TNKS: variants seen among roughly 807,000 people sequenced by gnomAD.
TNKS encodes tankyrase, also known as poly [ADP-ribose] polymerase tankyrase-1.
A neutral mutation model predicts 135.8 loss-of-function variants in TNKS; 72 were observed. That is an observed-to-expected ratio of 0.53 (90% CI 0.44 to 0.64). The LOEUF is 0.64. Among genes scored for constraint, TNKS ranks in the 30% least tolerant of loss-of-function variants. The pLI, the probability that TNKS is intolerant of heterozygous loss-of-function variation, is 0.00. For missense variants in TNKS, 1,769 were observed against 1,674.0 expected (o/e 1.06, Z -0.99); for synonymous variants, 849 against 649.3 (o/e 1.31, Z -4.68).
intron 20 of TNKS, among the ~76,000 whole-genome samples, chr8:9,756,405 A>G (rs1010121946): frequency 1.3e-5 from 2 of 152,064 alleles, no homozygotes; most frequent in African/African-American, 4.8e-5. Context: ...TATGTGCAAG[A>G]TGACTTTAAC....
intron 5 of TNKS, among the ~76,000 whole-genome samples, chr8:9,699,427 C>T (rs1319942930): frequency 6.6e-6 from 1 of 152,118 alleles, no homozygotes; most frequent in African/African-American, 2.4e-5. Flanking sequence ...AACCTCAGGG[C>T]TTTTAGTGGC....
At chr8:9,578,387 A>G (rs903965409) in intron 1 of TNKS, among the ~76,000 whole-genome samples, 3 of 152,370 alleles carry the variant, frequency 2.0e-5, no homozygotes, top group Middle Eastern at 3.4e-3. Context: ...GAACCCTGGT[A>G]AGATGCTGAC....
At chr8:9,601,957 A>T (rs1183943857) in intron 2 of TNKS, among the ~76,000 whole-genome samples, 1 of 152,122 alleles carries the variant, frequency 6.6e-6, no homozygotes, top group East Asian at 1.9e-4. Flanking sequence ...TTGCATGTGT[A>T]TGAGGAGGTG....
intron 3 of TNKS, among the ~76,000 whole-genome samples, chr8:9,634,879 AAAGT>A (rs1302823386): frequency 6.6e-6 from 1 of 152,214 alleles, no homozygotes; most frequent in Non-Finnish European, 1.5e-5. Context: ...TCTGTGCTAG[AAAGT>A]AATGAACTGC....
In TNKS at chr8:9,782,278, G is replaced by A. The variant is rs1293456250; in HGVS notation, c.*5542G>A. Reference sequence around the variant, plus strand: ...GTGATTATATTTAACCTGCAATTGTGCTTTGGCTTAATGTCTAGCTCACTG... The same window carrying A: ...GTGATTATATTTAACCTGCAATTGTACTTTGGCTTAATGTCTAGCTCACTG... On this transcript the variant is annotated 3_prime_UTR_variant, in exon 27 of 27. Coordinates refer to ENST00000310430, the MANE Select transcript of TNKS (RefSeq NM_003747.3). 6.6e-6 allele frequency: 1 copy of A among 152,616 alleles called. No individual in the cohort carries two copies. The highest frequency in any genetic ancestry group is 1.5e-5 in the Non-Finnish European group (1 of 68,036). 9.5% of individuals were successfully genotyped at this position (152,616 alleles called of 1,614,324 possible).
intron 2 of TNKS, among the ~76,000 whole-genome samples, chr8:9,589,575 T>A (rs1057445662): frequency 6.6e-6 from 1 of 152,222 alleles, no homozygotes; most frequent in African/African-American, 2.4e-5. Flanking sequence ...AAGAATCTGA[T>A]GCCCCACTTT....
chr8:9,574,928 G>C (rs1396614015), intron 1 of TNKS: 1 of 585,772 alleles, frequency 1.7e-6, no homozygotes, highest in African/African-American at 2.0e-5. Context: ...ATGAGGCTTA[G>C]AAATATAGCA....
chr8:9,667,637 C>G (rs1444536328), intron 3 of TNKS, among the ~76,000 whole-genome samples: 1 of 152,208 alleles, frequency 6.6e-6, no homozygotes, highest in African/African-American at 2.4e-5. Flanking sequence ...CATTGATTTA[C>G]AAAACGTCTC....
chr8:9,754,997 C>G (rs1806759216), intron 20 of TNKS, among the ~76,000 whole-genome samples: 1 of 152,154 alleles, frequency 6.6e-6, no homozygotes, highest in African/African-American at 2.4e-5. Flanking sequence ...CTGTTCTTCC[C>G]AAATCATTTC....
At position 9,720,524 on chromosome 8, in the gene TNKS, G is replaced by A; in HGVS notation, c.1900G>A (p.Ala634Thr). The change falls in exon 12 of 27, where the codon GCA (alanine) becomes ACA (threonine). Residue 634 changes from alanine (A) to threonine (T), a missense_variant. Ala to Thr is a moderately conservative substitution (Grantham distance 58). Coordinates refer to ENST00000310430, the MANE Select transcript of TNKS (RefSeq NM_003747.3). The part of the protein sequence containing the change: ...GFTAAQMGNE[A>T]VQQILSESTP... Reference sequence around the variant, plus strand: ...CACAGCAGCACAGATGGGCAATGAAGCAGTGCAGCAGATTCTGAGTGGTGA... The same window carrying A: ...CACAGCAGCACAGATGGGCAATGAAACAGTGCAGCAGATTCTGAGTGGTGA... The A allele has an allele frequency of 1.2e-6, 2 of 1,613,198 alleles. No homozygotes were observed. The highest frequency in any genetic ancestry group is 1.7e-6 in the Non-Finnish European group (2 of 1,179,710).
intron 25 of TNKS, among the ~76,000 whole-genome samples, chr8:9,767,176 T>C (rs953569022): frequency 1.3e-5 from 2 of 152,242 alleles, no homozygotes; most frequent in African/African-American, 4.8e-5. Context: ...GCAGGATATA[T>C]AATTAGCCTT....
intron 12 of TNKS, among the ~76,000 whole-genome samples, chr8:9,722,877 C>A (rs563006787): frequency 6.6e-6 from 1 of 152,224 alleles, no homozygotes; most frequent in African/African-American, 2.4e-5. Context: ...TCAAGCATAT[C>A]AGATCCATAT....
intron 2 of TNKS, among the ~76,000 whole-genome samples, chr8:9,606,996 T>C (rs1037134045): frequency 1.3e-5 from 2 of 152,224 alleles, no homozygotes; most frequent in South Asian, 2.1e-4. Flanking sequence ...ATTAGTATTA[T>C]GTGTCTAGAC....
At chr8:9,745,559 C>A (rs1204421083) in intron 17 of TNKS, among the ~76,000 whole-genome samples, 1 of 152,060 alleles carries the variant, frequency 6.6e-6, no homozygotes, top group Non-Finnish European at 1.5e-5. Flanking sequence ...TGTGTGGCGC[C>A]ACACCCAGCT....
At chr8:9,772,223 G>GCGTGGTTTTCTTATTACAGACTTACTTTC in intron 26 of TNKS, 1 of 357,930 alleles carries the variant, frequency 2.8e-6, no homozygotes, top group South Asian at 2.2e-5. Flanking sequence ...AAGAATATTT[G>GCGTGGTTTTCTTATTACAGACTTACTTTC]CGTGGTTTTC....
chr8:9,752,657 T>C, intron 20 of TNKS, 31 bp downstream of exon 20: 1 of 1,416,498 alleles, frequency 7.1e-7, no homozygotes, highest in Admixed American at 1.7e-5. Flanking sequence ...TTGAGTCATT[T>C]AAATTAAATA....
At chr8:9,647,884 CA>C (rs1252836882) in intron 3 of TNKS, among the ~76,000 whole-genome samples, 1 of 152,198 alleles carries the variant, frequency 6.6e-6, no homozygotes, top group African/African-American at 2.4e-5. Flanking sequence ...TAGCGTACTA[CA>C]CACATAAGCT....
chr8:9,689,067 G>T (rs1228742740), intron 5 of TNKS, among the ~76,000 whole-genome samples: 1 of 152,258 alleles, frequency 6.6e-6, no homozygotes, highest in East Asian at 1.9e-4. Flanking sequence ...CATATTGGGG[G>T]TTGGGGCTTC....
intron 3 of TNKS, among the ~76,000 whole-genome samples, chr8:9,655,465 C>T (rs182434575): frequency 0.014 from 2,074 of 152,276 alleles, 52 homozygotes; most frequent in African/African-American, 0.047. Flanking sequence ...CCCTGACCCC[C>T]GAGTAGCCTA....
Sources: gnomAD v4.1 joint callset for allele counts (sites outside exome capture counted in the v4.1 genomes callset) on GRCh38, gnomAD v4.1.1 for gene constraint, MANE v1.5 for transcripts, NCBI Gene and HGNC (gene_info 2026-07-23, HGNC 2026-07-21) for gene names.